Variants in COL25A1 observed in about 807,000 individuals in gnomAD.
The protein encoded by COL25A1 is collagen type XXV alpha 1 chain.
A neutral mutation model predicts 128.4 loss-of-function variants in COL25A1; 103 were observed. That is an observed-to-expected ratio of 0.80 (90% confidence interval 0.68 to 0.94). The LOEUF is 0.94. Ranked by LOEUF, COL25A1 falls within the 40% of genes least tolerant of loss-of-function variation. COL25A1 has a pLI of 0.00. For synonymous variants in COL25A1, 279 were observed against 277.2 expected (o/e 1.01, Z -0.06); for missense variants, 745 against 840.0 (o/e 0.89, Z 1.40).
At chr4:108,889,121 G>T (rs1361964187) in intron 18 of COL25A1, 100 bp downstream of exon 18, 6 of 1,098,700 alleles carry the variant, frequency 5.5e-6, no homozygotes, top group Non-Finnish European at 6.8e-6. Flanking sequence ...CATGAAAACC[G>T]CATCATTTTG....
chr4:109,216,314 G>A (rs964923989), intron 3 of COL25A1, among the ~76,000 whole-genome samples: 2 of 150,582 alleles, frequency 1.3e-5, no homozygotes, highest in Non-Finnish European at 2.9e-5. Flanking sequence ...AGGAAGGAAA[G>A]ACGGAAGGAA....
At position 108,892,693 on chromosome 4, in the gene COL25A1, G is replaced by T. The variant is rs528221536; in HGVS notation, c.907-2960C>A. Reference sequence around the variant, plus strand: ...TTGAAATCTGGTGTAGAAAGAGACTGTCATGTTTGGAAAAGTCTGTGTCAC... The same window carrying T: ...TTGAAATCTGGTGTAGAAAGAGACTTTCATGTTTGGAAAAGTCTGTGTCAC... On this transcript the variant is annotated intron_variant, in intron 16 of 37. Coordinates refer to ENST00000399132, the MANE Select transcript of COL25A1 (RefSeq NM_198721.4). 1.4e-4 allele frequency among the ~76,000 whole-genome samples: 22 copies of T among 152,148 alleles called. No homozygotes were observed. In the Middle Eastern group the frequency reaches 0.014, roughly 94 times the overall value.
intron 26 of COL25A1, 43 bp from the exon 27 acceptor site, chr4:108,848,846 T>C (rs866761357): frequency 2.0e-6 from 3 of 1,468,410 alleles, no homozygotes; most frequent in South Asian, 2.3e-5. Context: ...TTCTCATTGG[T>C]AACATACTGC....
chr4:109,033,726 C>G (rs1759080773), intron 5 of COL25A1, among the ~76,000 whole-genome samples: 1 of 151,800 alleles, frequency 6.6e-6, no homozygotes, highest in Admixed American at 6.6e-5. Flanking sequence ...GCTATAAAAT[C>G]TAATCTTTGC....
chr4:109,071,283 T>C (rs1462568426), intron 3 of COL25A1, among the ~76,000 whole-genome samples: 2 of 152,172 alleles, frequency 1.3e-5, no homozygotes, highest in African/African-American at 4.8e-5. Flanking sequence ...TTATACCTTA[T>C]ACAAAAATTA....
At chr4:108,992,007 T>C (rs1754277939) in intron 6 of COL25A1, among the ~76,000 whole-genome samples, 1 of 152,006 alleles carries the variant, frequency 6.6e-6, no homozygotes, top group African/African-American at 2.4e-5. Flanking sequence ...CAAAGAAAGA[T>C]TTGGGGGAAA....
intron 3 of COL25A1, among the ~76,000 whole-genome samples, chr4:109,253,209 G>C (rs1007223905): frequency 2.0e-5 from 3 of 152,136 alleles, no homozygotes; most frequent in Non-Finnish European, 4.4e-5. Context: ...GAGCCAATAT[G>C]ATGATGTAAG....
chr4:108,923,230 C>T (rs1280765877), intron 11 of COL25A1, among the ~76,000 whole-genome samples: 1 of 152,160 alleles, frequency 6.6e-6, no homozygotes, highest in Non-Finnish European at 1.5e-5. Flanking sequence ...GGGTATGTTG[C>T]TACCAGTTGG....
intron 3 of COL25A1, among the ~76,000 whole-genome samples, chr4:109,174,068 G>A (rs1374591382): frequency 6.6e-6 from 1 of 152,170 alleles, no homozygotes; most frequent in Non-Finnish European, 1.5e-5. Flanking sequence ...AATACTGAGA[G>A]AGGTGCTAGC....
At chr4:109,043,019 G>A (rs1451188177) in intron 5 of COL25A1, among the ~76,000 whole-genome samples, 1 of 152,000 alleles carries the variant, frequency 6.6e-6, no homozygotes, top group Non-Finnish European at 1.5e-5. Flanking sequence ...AGAAATATGG[G>A]GGACTTTGAA....
chr4:109,108,617 C>T (rs543233740), intron 3 of COL25A1, among the ~76,000 whole-genome samples: 21 of 152,084 alleles, frequency 1.4e-4, no homozygotes, highest in Admixed American at 1.0e-3. Flanking sequence ...CTGTCTTCCA[C>T]GATGGTTGAA....
At position 108,812,234 on chromosome 4, in the gene COL25A1, C is replaced by T. The variant is rs1244825502; in HGVS notation, c.*1693G>A. On this transcript the variant is annotated 3_prime_UTR_variant, in exon 38 of 38. Transcript: ENST00000399132. Reference sequence around the variant, plus strand: ...TCTTTATGGCAACTATATTTCACAGCTTTCTGAGATCTTAGATTTGGTCTG... The same window carrying T: ...TCTTTATGGCAACTATATTTCACAGTTTTCTGAGATCTTAGATTTGGTCTG... 2 of 152,194 alleles carry T rather than the reference C, an allele frequency of 1.3e-5. No homozygotes were observed. Among genetic ancestry groups the T allele is most frequent in the South Asian group, 4.1e-4 (2 of 4,830 alleles). 9.4% of individuals were successfully genotyped at this position (152,194 alleles called of 1,614,324 possible). A position where few individuals can be genotyped will look rare whatever the true frequency, so the allele number is the denominator to read the frequency against.
intron 3 of COL25A1, among the ~76,000 whole-genome samples, chr4:109,237,594 C>A (rs920345322): frequency 4.7e-5 from 7 of 148,974 alleles, no homozygotes; most frequent in Admixed American, 4.0e-4. Context: ...AGAATGTATA[C>A]TGGTAAAGGA....
In COL25A1 at chr4:108,882,096, G is replaced by A. The variant is rs558755538; in HGVS notation, c.1020+2082C>T. Among the ~76,000 whole-genome samples, 3 of 152,248 alleles carry A rather than the reference G, an allele frequency of 2.0e-5. No homozygotes were observed. In the East Asian group the frequency reaches 5.8e-4, roughly 29 times the overall value. ...TAAGACCTGAGGAATAAAAGCATTT[G>A]CTAGAGGTGGCAAATCGTTTAACAT... On this transcript the variant is annotated intron_variant, in intron 19 of 37. Coordinates refer to ENST00000399132, the MANE Select transcript of COL25A1 (RefSeq NM_198721.4).
chr4:109,215,422 C>A (rs897326578), intron 3 of COL25A1, among the ~76,000 whole-genome samples: 1 of 152,024 alleles, frequency 6.6e-6, no homozygotes, highest in Non-Finnish European at 1.5e-5. Context: ...CATATTAAAT[C>A]CAAAGAAAAC....
chr4:109,097,062 G>A (rs1765459287), intron 3 of COL25A1, among the ~76,000 whole-genome samples: 1 of 152,162 alleles, frequency 6.6e-6, no homozygotes, highest in Non-Finnish European at 1.5e-5. Context: ...CTCTGTAAGG[G>A]TTAAAAGCAG....
intron 6 of COL25A1, among the ~76,000 whole-genome samples, chr4:108,981,142 A>C (rs984226268): frequency 6.6e-6 from 1 of 152,222 alleles, no homozygotes; most frequent in African/African-American, 2.4e-5. Context: ...TTAACAATTG[A>C]AAATCTAGTG....
intron 3 of COL25A1, among the ~76,000 whole-genome samples, chr4:109,213,026 C>T (rs920846580): frequency 5.9e-5 from 9 of 152,118 alleles, no homozygotes; most frequent in African/African-American, 2.2e-4. Flanking sequence ...GACAGGGTGT[C>T]CTGTTTCTGT....
chr4:108,827,069 A>C (rs1732479277), intron 33 of COL25A1, 66 bp downstream of exon 33: 2 of 1,396,972 alleles, frequency 1.4e-6, no homozygotes, highest in Non-Finnish European at 2.0e-6. Context: ...CGAAGGGTTA[A>C]CCGTGTCAGT....
Sources: allele counts gnomAD v4.1 joint callset (sites outside exome capture counted in the v4.1 genomes callset), GRCh38; gene constraint gnomAD v4.1.1; transcripts MANE v1.5; gene names NCBI Gene and HGNC (gene_info 2026-07-23, HGNC 2026-07-21).